MYO5B: variants seen among roughly 807,000 people sequenced by gnomAD.
The protein encoded by MYO5B is myosin VB.
A neutral mutation model predicts 229.3 loss-of-function variants in MYO5B; 143 were observed. The ratio of observed to expected loss-of-function variants is 0.62; its 90% CI spans 0.54 to 0.72. The LOEUF (loss-of-function observed/expected upper bound fraction) is 0.72, where lower values mean the gene tolerates loss of function less well. Among genes scored for constraint, MYO5B ranks in the 30% least tolerant of loss-of-function variants. The pLI, the probability that MYO5B is intolerant of heterozygous loss-of-function variation, is 0.00. For synonymous variants in MYO5B, 918 were observed against 885.2 expected, an observed-to-expected ratio of 1.04 and a Z score of -0.66; for missense variants, 2,321 against 2,331.0, an observed-to-expected ratio of 1.00 and a Z score of 0.09.
At chr18:49,990,846 T>C (rs976889513) in intron 6 of MYO5B, among the ~76,000 whole-genome samples, 1 of 152,250 alleles carries the variant, frequency 6.6e-6, no homozygotes, top group South Asian at 2.1e-4. Context: ...TCTTCTGTGC[T>C]GCTTGGCTGA....
intron 1 of MYO5B, among the ~76,000 whole-genome samples, chr18:50,183,149 G>T (rs890479443): frequency 6.6e-6 from 1 of 151,618 alleles, no homozygotes; most frequent in African/African-American, 2.4e-5. Flanking sequence ...GATAATTGAT[G>T]ATGCACGGTA....
chr18:50,080,027 T>C (rs2031181135), intron 1 of MYO5B, among the ~76,000 whole-genome samples: 1 of 152,208 alleles, frequency 6.6e-6, no homozygotes, highest in Non-Finnish European at 1.5e-5. Flanking sequence ...GTTTACAATT[T>C]AGCCACTTTT....
intron 14 of MYO5B, among the ~76,000 whole-genome samples, chr18:49,942,395 A>AAC (rs1568040209): frequency 9.9e-5 from 14 of 141,876 alleles, no homozygotes; most frequent in Non-Finnish European, 1.5e-4. Context: ...AAAAAAAAAA[A>AAC]AAAAAAAAAA....
chr18:50,111,051 G>A (rs958750766), intron 1 of MYO5B, among the ~76,000 whole-genome samples: 3 of 152,120 alleles, frequency 2.0e-5, no homozygotes, highest in Non-Finnish European at 4.4e-5. Flanking sequence ...CCTCTCATAA[G>A]GTTAACGTTT....
chr18:50,105,504 C>A (rs1382509861), intron 1 of MYO5B, among the ~76,000 whole-genome samples: 1 of 152,208 alleles, frequency 6.6e-6, no homozygotes, highest in East Asian at 1.9e-4. Context: ...CCACGACAGT[C>A]TCCTTAAGTT....
chr18:49,827,483 C>G (rs928666199), intron 39 of MYO5B, among the ~76,000 whole-genome samples: 5 of 152,178 alleles, frequency 3.3e-5, no homozygotes, highest in Non-Finnish European at 7.3e-5. Flanking sequence ...AGAGCCCCTC[C>G]CTGCTTCCTA....
chr18:50,188,450 T>C (rs1371721653), intron 1 of MYO5B, among the ~76,000 whole-genome samples: 3 of 152,162 alleles, frequency 2.0e-5, no homozygotes, highest in Non-Finnish European at 2.9e-5. Flanking sequence ...TTAGCTTTTA[T>C]CACCAAACAC....
At chr18:50,136,732 T>C (rs2032342578) in intron 1 of MYO5B, among the ~76,000 whole-genome samples, 1 of 152,198 alleles carries the variant, frequency 6.6e-6, no homozygotes, top group African/African-American at 2.4e-5. Context: ...AGTAAAGCAG[T>C]ATCCTCATTT....
intron 17 of MYO5B, among the ~76,000 whole-genome samples, chr18:49,927,505 A>G (rs1200543606): frequency 6.6e-6 from 1 of 152,238 alleles, no homozygotes. Flanking sequence ...ACTGTACTGT[A>G]AGGCCACAGT....
Position 49,823,173 on chromosome 18 carries a change from A to AT in MYO5B, c.*3297dup, listed in dbSNP as rs1468828164. 2 of 151,890 alleles carry AT rather than the reference A, an allele frequency of 1.3e-5. No homozygotes were observed. The highest frequency in any genetic ancestry group is 2.9e-5 in the Non-Finnish European group (2 of 67,970). The allele number at this position is 151,890 out of a possible 1,614,324, so 9.4% of individuals were successfully genotyped here. A position where few individuals can be genotyped will look rare whatever the true frequency, so the allele number is the denominator to read the frequency against. Reference sequence around the variant, plus strand: ...TCTTTTGTATCTAATGACCTTTATAATAAAAAAAACCCTGTCCTGTGTTTC... The same window carrying AT: ...TCTTTTGTATCTAATGACCTTTATAATTAAAAAAAACCCTGTCCTGTGTTTC... On this transcript the variant is annotated 3_prime_UTR_variant, in exon 40 of 40. Transcript: ENST00000285039.
chr18:49,963,580 C>T (rs2025588099), intron 10 of MYO5B, among the ~76,000 whole-genome samples: 1 of 152,026 alleles, frequency 6.6e-6, no homozygotes, highest in Admixed American at 6.6e-5. Flanking sequence ...GCACACGCCA[C>T]CATGCCGAGC....
intron 18 of MYO5B, among the ~76,000 whole-genome samples, chr18:49,909,072 T>G (rs1261211919): frequency 2.6e-5 from 4 of 152,202 alleles, no homozygotes; most frequent in Admixed American, 2.6e-4. Flanking sequence ...CCACTTCTCA[T>G]CGTTCTGTTC....
intron 39 of MYO5B, among the ~76,000 whole-genome samples, chr18:49,834,196 C>T (rs2023958672): frequency 6.6e-6 from 1 of 152,154 alleles, no homozygotes; most frequent in South Asian, 2.1e-4. Flanking sequence ...CCAAAGGGAA[C>T]AGGTTCTTGT....
intron 36 of MYO5B, among the ~76,000 whole-genome samples, chr18:49,838,632 C>T (rs2024019009): frequency 6.6e-6 from 1 of 152,176 alleles, no homozygotes; most frequent in South Asian, 2.1e-4. Flanking sequence ...TGCATCTACA[C>T]ATAATTTTTC....
intron 1 of MYO5B, among the ~76,000 whole-genome samples, chr18:50,144,981 T>C (rs1440459748): frequency 1.3e-5 from 2 of 152,250 alleles, no homozygotes; most frequent in African/African-American, 4.8e-5. Context: ...CAGGGCTCAA[T>C]ACAGGCCTTG....
At chr18:50,194,683 C>A (rs2033276830) in intron 1 of MYO5B, 84 bp downstream of exon 1, 1 of 1,000,438 alleles carries the variant, frequency 1.0e-6, no homozygotes. Flanking sequence ...CTCCAGTAGC[C>A]GAGGGAGAAG....
chr18:50,053,790 A>G (rs771578312), intron 2 of MYO5B, among the ~76,000 whole-genome samples: 1 of 152,204 alleles, frequency 6.6e-6, no homozygotes, highest in East Asian at 1.9e-4. Context: ...CCAACCATCT[A>G]GAAAAGGAGA....
In MYO5B at chr18:50,122,439, T is replaced by TAAAAAAAAAAAAAAAA. The variant is rs71169481; in HGVS notation, c.28-67077_28-67062dup. Among the ~76,000 whole-genome samples the TAAAAAAAAAAAAAAAA allele has an allele frequency of 1.9e-4, 8 of 41,888 alleles. 1 individual carries two copies. Among genetic ancestry groups the TAAAAAAAAAAAAAAAA allele is most frequent in the African/African-American group, 5.2e-4 (5 of 9,564 alleles). 27.5% of individuals were successfully genotyped at this position (41,888 alleles called of 152,430 possible). A position where few individuals can be genotyped will look rare whatever the true frequency, so the allele number is the denominator to read the frequency against. On this transcript the variant is annotated intron_variant, in intron 1 of 39. Transcript: ENST00000285039. ...CAACATGGTGAAACCCTGTCTCAAC[T>TAAAAAAAAAAAAAAAA]AAAAAAAAAAAAAAAAAAAAAATCA...
chr18:49,972,771 C>A (rs1288009600), intron 10 of MYO5B, among the ~76,000 whole-genome samples: 1 of 152,120 alleles, frequency 6.6e-6, no homozygotes, highest in African/African-American at 2.4e-5. Flanking sequence ...CCAAGAGCAA[C>A]TACAAGGGCT....
Sources: gnomAD v4.1 joint callset for allele counts (sites outside exome capture counted in the v4.1 genomes callset) on GRCh38, gnomAD v4.1.1 for gene constraint, MANE v1.5 for transcripts, NCBI Gene and HGNC (gene_info 2026-07-23, HGNC 2026-07-21) for gene names.